The following SDK1 variants were observed in gnomAD, a reference collection of about 807,000 sequenced individuals.
SDK1 encodes sidekick cell adhesion molecule 1.
In SDK1, 157 loss-of-function variants were observed where a neutral mutation model predicts 245.5. The ratio of observed to expected loss-of-function variants is 0.64; its 90% CI spans 0.56 to 0.73. The LOEUF (loss-of-function observed/expected upper bound fraction) is 0.73. SDK1 is among the 30% of genes least tolerant of loss of function. The pLI, the probability that SDK1 is intolerant of heterozygous loss-of-function variation, is 0.00. For missense variants in SDK1, 3,583 were observed against 3,002.3 expected, an observed-to-expected ratio of 1.19 and a Z score of -4.52; for synonymous variants, 1,647 against 1,278.5, an observed-to-expected ratio of 1.29 and a Z score of -6.15.
chr7:3,397,765 A>G (rs1220973784), intron 1 of SDK1, among the ~76,000 whole-genome samples: 2 of 151,982 alleles, frequency 1.3e-5, no homozygotes, highest in Non-Finnish European at 2.9e-5. Context: ...TGCGGTTTTT[A>G]AAAATTTGTT....
intron 1 of SDK1, among the ~76,000 whole-genome samples, chr7:3,500,547 T>G (rs1198712074): frequency 6.6e-6 from 1 of 152,228 alleles, no homozygotes; most frequent in Non-Finnish European, 1.5e-5. Context: ...TATGTGATCT[T>G]GCTGTTTTTC....
chr7:3,654,795 G>C (rs1039266655), intron 4 of SDK1, among the ~76,000 whole-genome samples: 3 of 152,130 alleles, frequency 2.0e-5, no homozygotes, highest in Non-Finnish European at 2.9e-5. Flanking sequence ...TTAAATGACA[G>C]GAGTTTAATA....
intron 4 of SDK1, among the ~76,000 whole-genome samples, chr7:3,779,854 C>T (rs1780676862): frequency 6.6e-6 from 1 of 151,424 alleles, no homozygotes; most frequent in Non-Finnish European, 1.5e-5. Flanking sequence ...ATGGCGTGAA[C>T]CCGGGAAGCG....
chr7:4,182,212 C>T (rs749705929), intron 35 of SDK1, among the ~76,000 whole-genome samples: 4 of 152,162 alleles, frequency 2.6e-5, no homozygotes, highest in Admixed American at 6.5e-5. Flanking sequence ...CCCTGAGGAG[C>T]GGCTGCCACT....
intron 13 of SDK1, among the ~76,000 whole-genome samples, chr7:3,984,125 G>A (rs1429161740): frequency 6.6e-6 from 1 of 152,178 alleles, no homozygotes. Context: ...CTCATCTGTT[G>A]CTTGTGGTCT....
At chr7:3,886,188 A>G (rs7800775) in intron 5 of SDK1, among the ~76,000 whole-genome samples, 55,850 of 152,112 alleles carry the variant, frequency 0.37, 13,694 homozygotes, top group African/African-American at 0.7. Context: ...GGCCTTCTAC[A>G]GCAACTCCCA....
At chr7:3,596,095 A>G (rs1781053103) in intron 1 of SDK1, among the ~76,000 whole-genome samples, 1 of 151,902 alleles carries the variant, frequency 6.6e-6, no homozygotes. Context: ...ATTATCCTTT[A>G]TCTAAAAATT....
At chr7:4,110,533 C>T (rs1562824558) in intron 22 of SDK1, 130 bp from the exon 23 acceptor site, 2 of 667,068 alleles carry the variant, frequency 3.0e-6, no homozygotes, top group Middle Eastern at 4.1e-4. Flanking sequence ...CAGGACTCAA[C>T]TTGTCCCAGG....
At chr7:4,230,061 A>AAGGG in intron 40 of SDK1, among the ~76,000 whole-genome samples, 1 of 136,778 alleles carries the variant, frequency 7.3e-6, no homozygotes, top group South Asian at 2.7e-4. Flanking sequence ...GGAAGGAAGG[A>AAGGG]AGGAAGGAAG....
intron 27 of SDK1, chr7:4,130,406 C>T (rs1194067036): frequency 1.1e-5 from 4 of 369,126 alleles, no homozygotes. Flanking sequence ...GCTGTGGACG[C>T]TCCTCTTGGC....
chr7:3,459,559 G>A (rs1374658161), intron 1 of SDK1, among the ~76,000 whole-genome samples: 1 of 152,188 alleles, frequency 6.6e-6, no homozygotes, highest in Non-Finnish European at 1.5e-5. Context: ...GTTTCAAGAA[G>A]GAAGTGGGGA....
At chr7:3,743,191 G>T (rs1779524607) in intron 4 of SDK1, among the ~76,000 whole-genome samples, 1 of 152,146 alleles carries the variant, frequency 6.6e-6, no homozygotes, top group South Asian at 2.1e-4. Context: ...GGTAAGAGAG[G>T]GTGGGGAGAC....
intron 32 of SDK1, among the ~76,000 whole-genome samples, chr7:4,173,514 C>T (rs959218851): frequency 2.0e-5 from 3 of 152,264 alleles, no homozygotes; most frequent in African/African-American, 7.2e-5. Flanking sequence ...TGAAACTCCA[C>T]TTCCTTATCT....
chr7:3,370,875 C>T (rs561532661), intron 1 of SDK1, among the ~76,000 whole-genome samples: 2 of 152,174 alleles, frequency 1.3e-5, no homozygotes, highest in African/African-American at 2.4e-5. Context: ...ATACCTGGGT[C>T]CCTCACCTGC....
Position 4,267,297 on chromosome 7 carries a change from C to T in SDK1, c.*1913C>T. The T allele has an allele frequency of 2.1e-6, 1 of 482,192 alleles. No homozygotes were observed. The highest frequency in any genetic ancestry group is 2.7e-6 in the Non-Finnish European group (1 of 376,408). 29.9% of individuals were successfully genotyped at this position (482,192 alleles called of 1,614,324 possible). On this transcript the variant is annotated 3_prime_UTR_variant, in exon 45 of 45. Coordinates refer to ENST00000404826, the MANE Select transcript of SDK1 (RefSeq NM_152744.4). ...TCCTTCCTCTCTTTCCTCCTTCCTT[C>T]CCTCCCTTCTTTCCCTCCCTCCCTT... is the stretch of plus-strand genomic sequence containing the variant.
intron 1 of SDK1, among the ~76,000 whole-genome samples, chr7:3,324,756 T>C (rs963598612): frequency 1.3e-5 from 2 of 152,194 alleles, no homozygotes; most frequent in Non-Finnish European, 2.9e-5. Context: ...TGCTGGTTTT[T>C]ATATTTTTAT....
chr7:4,051,148 A>C (rs1262080360), intron 18 of SDK1, among the ~76,000 whole-genome samples: 5 of 139,858 alleles, frequency 3.6e-5, no homozygotes, highest in African/African-American at 1.3e-4. Flanking sequence ...TATATGTATA[A>C]TATATACATA....
intron 35 of SDK1, among the ~76,000 whole-genome samples, chr7:4,183,051 G>A (rs1171882890): frequency 6.6e-6 from 1 of 152,182 alleles, no homozygotes; most frequent in African/African-American, 2.4e-5. Flanking sequence ...GGGCGTGGGG[G>A]CTAGGGAGTG....
In SDK1 at chr7:3,850,302, A is replaced by G. The variant is rs560154523; in HGVS notation, c.847+28719A>G. ...ATCTCATGAGAACATTTAAAGTACT[A>G]AGTAAATATATGGAAAGCATGTGTA... On this transcript the variant is annotated intron_variant, in intron 5 of 44. Transcript: ENST00000404826. Among the ~76,000 whole-genome samples the G allele has an allele frequency of 1.8e-4, 28 of 152,340 alleles. 1 individual carries two copies. The highest frequency in any genetic ancestry group is 7.3e-5 in the Non-Finnish European group (5 of 68,034).
Sources: gnomAD v4.1 joint callset for allele counts (sites outside exome capture counted in the v4.1 genomes callset) on GRCh38, gnomAD v4.1.1 for gene constraint, MANE v1.5 for transcripts, NCBI Gene and HGNC (gene_info 2026-07-23, HGNC 2026-07-21) for gene names.